The following ELOVL6 variants were observed in gnomAD, a reference collection of about 807,000 sequenced individuals.
ELOVL6 encodes very long chain fatty acid elongase 6.
ELOVL6 carries 8 observed loss-of-function variants against 31.7 expected under a neutral mutation model. The observed-to-expected ratio is 0.25, with a 90% CI of 0.15 to 0.45. The LOEUF is 0.45. ELOVL6 is among the 20% of genes least tolerant of loss of function. ELOVL6 has a pLI of 1.00. For missense variants in ELOVL6, 126 were observed against 326.4 expected (o/e 0.39, Z 4.73); for synonymous variants, 101 against 117.7 (o/e 0.86, Z 0.92).
intron 1 of ELOVL6, among the ~76,000 whole-genome samples, chr4:110,110,986 A>G (rs1050986793): frequency 2.6e-5 from 4 of 152,088 alleles, no homozygotes; most frequent in African/African-American, 9.7e-5. Context: ...CTCCTCATCT[A>G]TTTTTTTAAA....
intron 2 of ELOVL6, among the ~76,000 whole-genome samples, chr4:110,069,281 A>G (rs1312042491): frequency 6.6e-6 from 1 of 151,532 alleles, no homozygotes. Flanking sequence ...ATCACACACT[A>G]TTTTGTAAAA....
At chr4:110,082,681 A>G (rs1755902062) in intron 2 of ELOVL6, among the ~76,000 whole-genome samples, 1 of 152,136 alleles carries the variant, frequency 6.6e-6, no homozygotes, top group East Asian at 1.9e-4. Flanking sequence ...CCAACATGGC[A>G]CATGTATACA....
At chr4:110,129,382 T>C (rs1245217308) in intron 1 of ELOVL6, among the ~76,000 whole-genome samples, 1 of 152,178 alleles carries the variant, frequency 6.6e-6, no homozygotes, top group Non-Finnish European at 1.5e-5. Context: ...ATAGATGTTA[T>C]AGTAAGTGAT....
At chr4:110,157,318 C>T (rs759165452) in intron 1 of ELOVL6, among the ~76,000 whole-genome samples, 8 of 152,002 alleles carry the variant, frequency 5.3e-5, no homozygotes, top group Non-Finnish European at 8.8e-5. Context: ...GGTAAAATGC[C>T]AAATAATAGT....
At chr4:110,164,434 A>G (rs1758711411) in intron 1 of ELOVL6, among the ~76,000 whole-genome samples, 1 of 152,186 alleles carries the variant, frequency 6.6e-6, no homozygotes, top group African/African-American at 2.4e-5. Context: ...CTCAGCTTTC[A>G]TAAGTCTGCC....
At chr4:110,121,730 C>G (rs1757364446) in intron 1 of ELOVL6, among the ~76,000 whole-genome samples, 1 of 152,176 alleles carries the variant, frequency 6.6e-6, no homozygotes, top group Non-Finnish European at 1.5e-5. Flanking sequence ...ATCATCCCTT[C>G]TCACTCTCAC....
chr4:110,135,001 T>C (rs1386316006), intron 1 of ELOVL6, among the ~76,000 whole-genome samples: 1 of 152,146 alleles, frequency 6.6e-6, no homozygotes. Flanking sequence ...AGAGGAACTA[T>C]GAAGGGCCTT....
intron 2 of ELOVL6, among the ~76,000 whole-genome samples, chr4:110,090,031 A>T (rs1756374927): frequency 6.6e-6 from 1 of 152,232 alleles, no homozygotes. Flanking sequence ...CTCTGAGCCT[A>T]GGTTTTCTCA....
intron 1 of ELOVL6, among the ~76,000 whole-genome samples, chr4:110,154,114 T>C (rs1481986964): frequency 1.3e-5 from 2 of 152,214 alleles, no homozygotes; most frequent in Non-Finnish European, 2.9e-5. Context: ...TCTTACTCTG[T>C]CACCCAGGGT....
At position 110,184,569 on chromosome 4, in the gene ELOVL6, A is replaced by G. The variant is rs535101588; in HGVS notation, c.89+13678T>C. ...GAAGGTTTTTAACCATTGTGATGAC[A>G]AGATCAGATCAGTGACTCAGAAAGA... On this transcript the variant is annotated intron_variant, in intron 1 of 3. Coordinates refer to ENST00000302274, the MANE Select transcript of ELOVL6 (RefSeq NM_024090.3). Among the ~76,000 whole-genome samples, 263 of 152,306 alleles carry G rather than the reference A, an allele frequency of 1.7e-3. 1 individual carries two copies. Among genetic ancestry groups the G allele is most frequent in the African/African-American group, 6.1e-3 (255 of 41,572 alleles).
chr4:110,163,810 G>T (rs1197272462), intron 1 of ELOVL6, among the ~76,000 whole-genome samples: 2 of 152,150 alleles, frequency 1.3e-5, no homozygotes, highest in Non-Finnish European at 2.9e-5. Context: ...ATTTGCCAGG[G>T]TCATAAGATA....
At chr4:110,063,516 C>A (rs1227549263) in intron 2 of ELOVL6, among the ~76,000 whole-genome samples, 2 of 151,526 alleles carry the variant, frequency 1.3e-5, no homozygotes, top group African/African-American at 4.9e-5. Context: ...CCACAAGTGA[C>A]AACTAGCAAG....
At chr4:110,134,602 T>C (rs1006585443) in intron 1 of ELOVL6, among the ~76,000 whole-genome samples, 2 of 151,912 alleles carry the variant, frequency 1.3e-5, no homozygotes, top group African/African-American at 4.8e-5. Context: ...CAACATGAAA[T>C]AAAGGTTAGA....
At chr4:110,073,270 A>C (rs1185680146) in intron 2 of ELOVL6, among the ~76,000 whole-genome samples, 1 of 152,152 alleles carries the variant, frequency 6.6e-6, no homozygotes, top group Non-Finnish European at 1.5e-5. Context: ...GCATTCTACC[A>C]GTACTGTCCC....
At chr4:110,101,142 C>T (rs1475328313) in intron 2 of ELOVL6, among the ~76,000 whole-genome samples, 2 of 152,150 alleles carry the variant, frequency 1.3e-5, no homozygotes, top group African/African-American at 2.4e-5. Flanking sequence ...AGGGTTCAAA[C>T]GATTATCCTG....
At chr4:110,067,190 A>T (rs920179257) in intron 2 of ELOVL6, among the ~76,000 whole-genome samples, 4 of 152,142 alleles carry the variant, frequency 2.6e-5, no homozygotes, top group Non-Finnish European at 5.9e-5. Flanking sequence ...AGAGTGTATA[A>T]CTTCACTTTT....
rs1754795921 is a variant in ELOVL6, at chr4:110,049,986, G to A, written c.*1352C>T. ...TTCTGAAGCTGACTTGAAGCAGGAT[G>A]AATATCTTCTGATTTGGCCAAAGAC... On this transcript the variant is annotated 3_prime_UTR_variant, in exon 4 of 4. Transcript: ENST00000302274. 1 of 152,048 alleles carries A rather than the reference G, an allele frequency of 6.6e-6. No individual in the cohort carries two copies. The highest frequency in any genetic ancestry group is 2.1e-4 in the South Asian group (1 of 4,788). 9.4% of individuals were successfully genotyped at this position (152,048 alleles called of 1,614,324 possible). A position where few individuals can be genotyped will look rare whatever the true frequency, so the allele number is the denominator to read the frequency against.
At chr4:110,065,399 G>T (rs1246374746) in intron 2 of ELOVL6, among the ~76,000 whole-genome samples, 1 of 152,160 alleles carries the variant, frequency 6.6e-6, no homozygotes, top group African/African-American at 2.4e-5. Context: ...GGCTGAAGTG[G>T]GTGGCTCACT....
In ELOVL6 at chr4:110,198,074, A is replaced by AC. The variant is rs10572708; in HGVS notation, c.89+172dup. On this transcript the variant is annotated intron_variant, in intron 1 of 3. Transcript: ENST00000302274. ...CACCCACAGACCTCGCGCTTCATGT[A>AC]CCCCCCCCCCCCCAGCGTCTCCTGC... 656 of 433,234 alleles carry AC rather than the reference A, an allele frequency of 1.5e-3. 5 individuals carry two copies. The highest frequency in any genetic ancestry group is 7.1e-3 in the African/African-American group (275 of 38,516). The allele number at this position is 433,234 out of a possible 1,614,324, so 26.8% of individuals were successfully genotyped here.
Sources: allele counts gnomAD v4.1 joint callset (sites outside exome capture counted in the v4.1 genomes callset), GRCh38; gene constraint gnomAD v4.1.1; transcripts MANE v1.5; gene names NCBI Gene and HGNC (gene_info 2026-07-23, HGNC 2026-07-21).